ADCY8: variants seen among roughly 807,000 people sequenced by gnomAD.
ADCY8 encodes adenylate cyclase type 8.
A neutral mutation model predicts 119.7 loss-of-function variants in ADCY8; 51 were observed. The ratio of observed to expected loss-of-function variants is 0.43; its 90% confidence interval spans 0.34 to 0.54. The LOEUF (loss-of-function observed/expected upper bound fraction) is 0.54. Ranked by LOEUF, ADCY8 falls within the 20% of genes least tolerant of loss-of-function variation. ADCY8 has a pLI of 0.03. For synonymous variants in ADCY8, 665 were observed against 651.0 expected, an observed-to-expected ratio of 1.02 and a Z score of -0.33; for missense variants, 1,383 against 1,598.8, an observed-to-expected ratio of 0.87 and a Z score of 2.30.
At chr8:130,924,334 G>C (rs1820399140) in intron 5 of ADCY8, among the ~76,000 whole-genome samples, 1 of 152,188 alleles carries the variant, frequency 6.6e-6, no homozygotes, top group Non-Finnish European at 1.5e-5. Flanking sequence ...CCAACATGGA[G>C]ATCCACTGCT....
intron 1 of ADCY8, among the ~76,000 whole-genome samples, chr8:131,008,728 GA>G (rs2130775987): frequency 6.6e-6 from 1 of 152,316 alleles, no homozygotes; most frequent in African/African-American, 2.4e-5. Context: ...GGGCTCAGAA[GA>G]AGACAGGAAA....
In ADCY8 at chr8:130,780,313, A is replaced by C. The variant is rs182219481; in HGVS notation, c.*77T>G. On this transcript the variant is annotated 3_prime_UTR_variant, in exon 18 of 18. Coordinates refer to ENST00000286355, the MANE Select transcript of ADCY8 (RefSeq NM_001115.3). ...AACGAAACCATCCTTGTTCTAAAAA[A>C]AATTAAACCTTTTTATTAGTATATT... The C allele has an allele frequency of 8.0e-6, 9 of 1,128,202 alleles. No individual in the cohort carries two copies. The Admixed American group carries it at 2.9e-4, about 37-fold the overall frequency. 69.9% of individuals were successfully genotyped at this position (1,128,202 alleles called of 1,614,324 possible).
chr8:130,807,898 G>C (rs1816020575), intron 14 of ADCY8, among the ~76,000 whole-genome samples: 1 of 138,640 alleles, frequency 7.2e-6, no homozygotes, highest in Admixed American at 7.8e-5. Context: ...GCAGGAGAAT[G>C]GCGTGAACCC....
At chr8:130,875,805 C>G (rs982642224) in intron 8 of ADCY8, among the ~76,000 whole-genome samples, 1 of 152,134 alleles carries the variant, frequency 6.6e-6, no homozygotes, top group South Asian at 2.1e-4. Flanking sequence ...CTGGACATAG[C>G]TAAGAACCAA....
Position 130,783,690 on chromosome 8 carries a change from C to T in ADCY8, c.3268+1G>A. On this transcript the variant is annotated splice_donor_variant, in intron 17 of 17. Coordinates refer to ENST00000286355, the MANE Select transcript of ADCY8 (RefSeq NM_001115.3). LOFTEE classifies it high-confidence loss of function. ...AGGCCCCACCTGCAGCTGCTACTCA[C>T]CAATCCGGAGTTCAAAATTGTTGAA... is the stretch of plus-strand genomic sequence containing the variant. 1 of 1,610,776 alleles carries T rather than the reference C, an allele frequency of 6.2e-7. No individual in the cohort carries two copies. Among genetic ancestry groups the T allele is most frequent in the Non-Finnish European group, 8.5e-7 (1 of 1,177,980 alleles).
At chr8:130,933,093 T>C (rs1334647974) in intron 5 of ADCY8, among the ~76,000 whole-genome samples, 1 of 152,068 alleles carries the variant, frequency 6.6e-6, no homozygotes, top group Non-Finnish European at 1.5e-5. Context: ...ATGCCAGAAA[T>C]AGGGACAAGG....
chr8:131,034,346 G>A (rs900741902), intron 1 of ADCY8, among the ~76,000 whole-genome samples: 14 of 152,010 alleles, frequency 9.2e-5, no homozygotes, highest in Non-Finnish European at 1.8e-4. Context: ...TGTGAAGTCA[G>A]TCCTTCATTT....
intron 7 of ADCY8, among the ~76,000 whole-genome samples, chr8:130,897,172 A>C (rs1696249863): frequency 6.6e-6 from 1 of 152,120 alleles, no homozygotes; most frequent in African/African-American, 2.4e-5. Context: ...CACAGTCTAC[A>C]GAATTAACCA....
chr8:130,960,302 T>C (rs1402841679), intron 2 of ADCY8, among the ~76,000 whole-genome samples: 1 of 152,114 alleles, frequency 6.6e-6, no homozygotes, highest in Non-Finnish European at 1.5e-5. Flanking sequence ...GAAAGAAAAA[T>C]GACCCAAGCA....
chr8:130,982,463 C>T (rs1159321552), intron 2 of ADCY8, among the ~76,000 whole-genome samples: 1 of 152,202 alleles, frequency 6.6e-6, no homozygotes, highest in Non-Finnish European at 1.5e-5. Flanking sequence ...GAATTCTTTA[C>T]AGCTGAAATA....
chr8:130,844,417 C>A (rs1362869341), intron 11 of ADCY8, among the ~76,000 whole-genome samples: 1 of 152,122 alleles, frequency 6.6e-6, no homozygotes, highest in African/African-American at 2.4e-5. Flanking sequence ...ATTGTAAAAG[C>A]CTCATTTTTT....
chr8:130,990,287 G>C, intron 2 of ADCY8, 106 bp downstream of exon 2: 1 of 1,394,602 alleles, frequency 7.2e-7, no homozygotes, highest in Non-Finnish European at 9.8e-7. Flanking sequence ...TAAACTTTAA[G>C]AGAACACTTT....
intron 2 of ADCY8, among the ~76,000 whole-genome samples, chr8:130,962,375 A>G (rs932368636): frequency 1.1e-4 from 16 of 152,232 alleles, no homozygotes; most frequent in Admixed American, 1.3e-4. Flanking sequence ...GGGGATCAGA[A>G]GTACCAGCTT....
chr8:131,033,795 G>T (rs573110341), intron 1 of ADCY8, among the ~76,000 whole-genome samples: 1 of 150,656 alleles, frequency 6.6e-6, no homozygotes, highest in African/African-American at 2.4e-5. Flanking sequence ...TACACATGAA[G>T]AAGAAAGAAA....
At chr8:130,980,012 T>G (rs1440189705) in intron 2 of ADCY8, among the ~76,000 whole-genome samples, 1 of 152,180 alleles carries the variant, frequency 6.6e-6, no homozygotes, top group East Asian at 1.9e-4. Flanking sequence ...AGGAAGGTAT[T>G]GTCAGGGTTG....
intron 4 of ADCY8, among the ~76,000 whole-genome samples, chr8:130,938,603 T>G (rs1820864304): frequency 6.6e-6 from 1 of 152,192 alleles, no homozygotes; most frequent in Non-Finnish European, 1.5e-5. Flanking sequence ...AGTAGCAAGC[T>G]GTAAAGCACT....
intron 12 of ADCY8, among the ~76,000 whole-genome samples, chr8:130,828,332 T>TC (rs546776999): frequency 6.6e-6 from 1 of 151,700 alleles, no homozygotes; most frequent in South Asian, 2.1e-4. Context: ...GAACAGAGGG[T>TC]CCCCCCCACC....
intron 8 of ADCY8, among the ~76,000 whole-genome samples, chr8:130,871,160 T>A (rs1381194013): frequency 6.6e-6 from 1 of 152,214 alleles, no homozygotes; most frequent in Non-Finnish European, 1.5e-5. Context: ...AGTACTGAGA[T>A]TGATTAGTGA....
At chr8:131,010,964 CAG>C (rs1269327553) in intron 1 of ADCY8, among the ~76,000 whole-genome samples, 4 of 152,156 alleles carry the variant, frequency 2.6e-5, no homozygotes, top group African/African-American at 7.2e-5. Flanking sequence ...CCCAGTGAAG[CAG>C]TGATTCCAAG....
Sources: gnomAD v4.1 joint callset for allele counts (sites outside exome capture counted in the v4.1 genomes callset) on GRCh38, gnomAD v4.1.1 for gene constraint, MANE v1.5 for transcripts, NCBI Gene and HGNC (gene_info 2026-07-23, HGNC 2026-07-21) for gene names.